EXT1: variants seen among roughly 807,000 people sequenced by gnomAD.
EXT1 encodes the protein exostosin-1.
In EXT1, 20 loss-of-function variants were observed where a neutral mutation model predicts 82.5. The ratio of observed to expected loss-of-function variants is 0.24; its 90% CI spans 0.17 to 0.35. The LOEUF is 0.35. EXT1 is among the 10% of genes least tolerant of loss of function. The pLI is 1.00. For missense variants in EXT1, 757 were observed against 936.5 expected, an observed-to-expected ratio of 0.81 and a Z score of 2.50; for synonymous variants, 348 against 350.8, an observed-to-expected ratio of 0.99 and a Z score of 0.09.
chr8:117,882,851 C>T (rs991645459), intron 1 of EXT1, among the ~76,000 whole-genome samples: 7 of 151,806 alleles, frequency 4.6e-5, no homozygotes, highest in African/African-American at 1.7e-4. Context: ...ATGGTGGGGG[C>T]CTGTAATCCC....
intron 1 of EXT1, among the ~76,000 whole-genome samples, chr8:118,051,238 G>T (rs1816712072): frequency 6.6e-6 from 1 of 152,064 alleles, no homozygotes; most frequent in South Asian, 2.1e-4. Context: ...TCAGGAGGCT[G>T]AGAGGCGGGT....
At chr8:118,034,264 T>C (rs1255134019) in intron 1 of EXT1, among the ~76,000 whole-genome samples, 2 of 152,174 alleles carry the variant, frequency 1.3e-5, no homozygotes, top group Admixed American at 6.5e-5. Context: ...CTGTGGGTGA[T>C]TCTGAGGCAA....
intron 1 of EXT1, among the ~76,000 whole-genome samples, chr8:117,996,059 G>A (rs939570983): frequency 3.3e-5 from 5 of 151,898 alleles, no homozygotes; most frequent in African/African-American, 1.2e-4. Flanking sequence ...TACTGCCCTT[G>A]CCTTTGAATC....
chr8:117,963,483 G>T (rs1814743973), intron 1 of EXT1, among the ~76,000 whole-genome samples: 1 of 151,940 alleles, frequency 6.6e-6, no homozygotes, highest in South Asian at 2.1e-4. Context: ...GGTGGTGGTG[G>T]TTTTTCATTT....
chr8:117,948,453 A>G (rs1478417934), intron 1 of EXT1, among the ~76,000 whole-genome samples: 1 of 152,130 alleles, frequency 6.6e-6, no homozygotes, highest in Non-Finnish European at 1.5e-5. Flanking sequence ...ATATTTTAGG[A>G]TCACGGACTC....
intron 1 of EXT1, among the ~76,000 whole-genome samples, chr8:117,982,441 C>T (rs1815229353): frequency 6.6e-6 from 1 of 152,160 alleles, no homozygotes; most frequent in African/African-American, 2.4e-5. Context: ...ATGGTAGTTC[C>T]ACCTAAGATA....
intron 7 of EXT1, among the ~76,000 whole-genome samples, chr8:117,813,536 G>A (rs1336479965): frequency 6.6e-6 from 1 of 152,052 alleles, no homozygotes; most frequent in Non-Finnish European, 1.5e-5. Context: ...CAAACCACGG[G>A]GAGAGCAGAT....
At chr8:117,980,464 T>G (rs982827270) in intron 1 of EXT1, among the ~76,000 whole-genome samples, 1 of 152,180 alleles carries the variant, frequency 6.6e-6, no homozygotes, top group Admixed American at 6.5e-5. Context: ...TTATCCAACA[T>G]ACACAATTAA....
In EXT1 at chr8:117,980,914, GGGCAGT is replaced by G. The variant is rs1815185502; in HGVS notation, c.962+129165_962+129170del. Among the ~76,000 whole-genome samples the G allele has an allele frequency of 2.6e-5, 4 of 152,224 alleles. No individual in the cohort carries two copies. In the South Asian group the frequency reaches 6.2e-4, roughly 24 times the overall value. ...ACCCCCATGCAGCGTGAGCACGGCAGGGCAGTGGTGGCGGAGGAAGCCGTTGTCTGC... is the reference window on the plus strand; with the variant it reads ...ACCCCCATGCAGCGTGAGCACGGCAGGGTGGCGGAGGAAGCCGTTGTCTGC... On this transcript the variant is annotated intron_variant, in intron 1 of 10. Coordinates refer to ENST00000378204, the MANE Select transcript of EXT1 (RefSeq NM_000127.3).
intron 1 of EXT1, among the ~76,000 whole-genome samples, chr8:118,106,482 C>G (rs1474543654): frequency 6.6e-6 from 1 of 152,182 alleles, no homozygotes; most frequent in Non-Finnish European, 1.5e-5. Context: ...CCTCCAAGAC[C>G]CTTGAAGATA....
In EXT1 at chr8:118,004,801, C is replaced by A. The variant is rs537722668; in HGVS notation, c.962+105284G>T. ...GTAATATGCAAACTGCGTTATTGGT[C>A]TCCAAATATGCTGATGATTCTAGGC... On this transcript the variant is annotated intron_variant, in intron 1 of 10. Transcript: ENST00000378204. Among the ~76,000 whole-genome samples the A allele has an allele frequency of 3.3e-5, 5 of 152,192 alleles. No individual in the cohort carries two copies. The South Asian group carries it at 1.0e-3, about 32-fold the overall frequency.
At chr8:117,937,404 A>G (rs572447128) in intron 1 of EXT1, among the ~76,000 whole-genome samples, 14 of 152,356 alleles carry the variant, frequency 9.2e-5, no homozygotes, top group Non-Finnish European at 1.9e-4. Context: ...GTCAGCTTCT[A>G]CACAGACGCT....
chr8:117,799,661 A>T lies in EXT1; in HGVS notation c.*51T>A. 6.2e-7 allele frequency: 1 copy of T among 1,601,794 alleles called. No individual in the cohort carries two copies. Among genetic ancestry groups the T allele is most frequent in the Non-Finnish European group, 8.6e-7 (1 of 1,169,146 alleles). Reference sequence around the variant, plus strand: ...TGGATCTGCACTGGGAAGAGAGAGCAGCTTGACCCCCATCCCTTCTTGCTT... The same window carrying T: ...TGGATCTGCACTGGGAAGAGAGAGCTGCTTGACCCCCATCCCTTCTTGCTT... On this transcript the variant is annotated 3_prime_UTR_variant, in exon 11 of 11. Transcript: ENST00000378204.
In EXT1 at chr8:118,052,588, T is replaced by C. The variant is rs113542825; in HGVS notation, c.962+57497A>G. On this transcript the variant is annotated intron_variant, in intron 1 of 10. Coordinates refer to ENST00000378204, the MANE Select transcript of EXT1 (RefSeq NM_000127.3). ...ATATGTGCAAGGCCATAGAAGAAGCTCCAAATCTAAGAGGTAAAAAAACAA... is the reference window on the plus strand; with the variant it reads ...ATATGTGCAAGGCCATAGAAGAAGCCCCAAATCTAAGAGGTAAAAAAACAA... Among the ~76,000 whole-genome samples, 57 of 152,254 alleles carry C rather than the reference T, an allele frequency of 3.7e-4. 1 individual carries two copies. The highest frequency in any genetic ancestry group is 2.3e-3 in the South Asian group (11 of 4,826).
At chr8:118,088,659 C>T (rs1041525314) in intron 1 of EXT1, among the ~76,000 whole-genome samples, 8 of 150,362 alleles carry the variant, frequency 5.3e-5, no homozygotes, top group Non-Finnish European at 8.9e-5. Flanking sequence ...TTTAGCCCCA[C>T]AATGAGAAAA....
At chr8:117,811,772 C>T (rs1186037090) in intron 8 of EXT1, among the ~76,000 whole-genome samples, 3 of 152,106 alleles carry the variant, frequency 2.0e-5, no homozygotes, top group South Asian at 2.1e-4. Context: ...ACCTGGACCA[C>T]GCCTGGCTAA....
At chr8:118,100,537 CAGG>C (rs1817699678) in intron 1 of EXT1, among the ~76,000 whole-genome samples, 1 of 152,202 alleles carries the variant, frequency 6.6e-6, no homozygotes, top group South Asian at 2.1e-4. Flanking sequence ...ATCACGAGGT[CAGG>C]AGATCGAGAC....
chr8:118,109,142 G>C (rs181990103), intron 1 of EXT1, among the ~76,000 whole-genome samples: 1 of 152,166 alleles, frequency 6.6e-6, no homozygotes, highest in East Asian at 1.9e-4. Flanking sequence ...TTACTGTCAC[G>C]GGGAAGGAAA....
intron 1 of EXT1, among the ~76,000 whole-genome samples, chr8:117,994,432 CA>C (rs1479348302): frequency 2.0e-5 from 3 of 152,068 alleles, no homozygotes; most frequent in Non-Finnish European, 4.4e-5. Context: ...AGCAACATGG[CA>C]AAGCCCATCT....
Sources: gnomAD v4.1 joint callset for allele counts (sites outside exome capture counted in the v4.1 genomes callset) on GRCh38, gnomAD v4.1.1 for gene constraint, MANE v1.5 for transcripts, NCBI Gene and HGNC (gene_info 2026-07-23, HGNC 2026-07-21) for gene names.